The following TBCA variants were observed in gnomAD, a reference collection of about 807,000 sequenced individuals.
TBCA encodes the protein tubulin folding cofactor A, also known as tubulin-specific chaperone A.
Under a neutral mutation model 15.8 loss-of-function variants are expected in TBCA, and 6 were observed. The observed-to-expected ratio is 0.38, with a 90% CI of 0.21 to 0.75. The LOEUF is 0.75. Ranked by LOEUF, TBCA falls within the 30% of genes least tolerant of loss-of-function variation. The pLI, the probability that TBCA is intolerant of heterozygous loss-of-function variation, is 0.46. For synonymous variants in TBCA, 32 were observed against 42.3 expected (o/e 0.76, Z 0.94); for missense variants, 90 against 131.2 (o/e 0.69, Z 1.53).
chr5:77,729,125 T>G (rs1259186214), intron 1 of TBCA, among the ~76,000 whole-genome samples: 2 of 151,990 alleles, frequency 1.3e-5, no homozygotes, highest in East Asian at 3.9e-4. Context: ...ACCAGCCTGG[T>G]CAACATGGTG....
At chr5:77,693,185 TG>T in intron 3 of TBCA, 80 bp downstream of exon 3, 1 of 1,563,084 alleles carries the variant, frequency 6.4e-7, no homozygotes. Flanking sequence ...TAGTTCTCAG[TG>T]TTAAATATTT....
At chr5:77,726,828 T>C (rs1746639788) in intron 1 of TBCA, among the ~76,000 whole-genome samples, 1 of 152,184 alleles carries the variant, frequency 6.6e-6, no homozygotes, top group African/African-American at 2.4e-5. Context: ...ATATAGTCTA[T>C]ATAGTGTTAT....
chr5:77,744,725 G>A (rs576175833), intron 1 of TBCA, among the ~76,000 whole-genome samples: 5 of 151,694 alleles, frequency 3.3e-5, no homozygotes, highest in East Asian at 3.9e-4. Context: ...TAGTAGAGAC[G>A]GGGTTTCACC....
At chr5:77,720,124 C>T (rs1324271812) in intron 1 of TBCA, among the ~76,000 whole-genome samples, 1 of 152,206 alleles carries the variant, frequency 6.6e-6, no homozygotes, top group South Asian at 2.1e-4. Context: ...TAAAATGATA[C>T]CCTTCCCAAC....
rs201384173 is a variant in TBCA, at chr5:77,776,296, G to C, written c.-39C>G. On this transcript the variant is annotated 5_prime_UTR_variant, in exon 1 of 4. Coordinates refer to ENST00000380377, the MANE Select transcript of TBCA (RefSeq NM_004607.3). ...CCGCGAGAAGGAGGGGCGGAGAGCCGGGGTAACCGTGGAGGGCGACGCGCA... is the reference window on the plus strand; with the variant it reads ...CCGCGAGAAGGAGGGGCGGAGAGCCCGGGTAACCGTGGAGGGCGACGCGCA... 1 of 1,561,408 alleles carries C rather than the reference G, an allele frequency of 6.4e-7. No individual in the cohort carries two copies. The highest frequency in any genetic ancestry group is 8.7e-7 in the Non-Finnish European group (1 of 1,153,680).
At chr5:77,699,365 C>A (rs1745952543) in intron 2 of TBCA, among the ~76,000 whole-genome samples, 1 of 152,098 alleles carries the variant, frequency 6.6e-6, no homozygotes, top group Non-Finnish European at 1.5e-5. Context: ...TTTACTACAT[C>A]AGTACAGAAT....
intron 1 of TBCA, among the ~76,000 whole-genome samples, chr5:77,771,698 T>C (rs1045686594): frequency 1.3e-5 from 2 of 152,234 alleles, no homozygotes; most frequent in East Asian, 3.8e-4. Flanking sequence ...TACCATCATC[T>C]ACTTATTGCC....
chr5:77,773,288 T>TTGG (rs372995283), intron 1 of TBCA, among the ~76,000 whole-genome samples: 9 of 152,360 alleles, frequency 5.9e-5, no homozygotes, highest in African/African-American at 2.2e-4. Context: ...ATTTGAAACC[T>TTGG]TGGTCCTTTT....
At chr5:77,747,012 A>G (rs1393839236) in intron 1 of TBCA, among the ~76,000 whole-genome samples, 1 of 152,164 alleles carries the variant, frequency 6.6e-6, no homozygotes, top group Non-Finnish European at 1.5e-5. Context: ...AAAGTGCTAT[A>G]AAAGTAATGC....
rs1034664969 is a variant in TBCA at position 77,737,677 on chromosome 5, T to C, written c.54-29330A>G. On this transcript the variant is annotated intron_variant, in intron 1 of 3. Transcript: ENST00000380377. ...AAGGAAGAAATACATTTTAAATTCA[T>C]CTTATTAATAGAGGAAATTAAACTA... Among the ~76,000 whole-genome samples the C allele has an allele frequency of 4.6e-5, 7 of 152,210 alleles. 1 individual carries two copies. The highest frequency in any genetic ancestry group is 4.6e-4 in the Admixed American group (7 of 15,280).
Position 77,728,984 on chromosome 5 carries a change from C to A in TBCA, c.54-20637G>T, listed in dbSNP as rs182797227. Among the ~76,000 whole-genome samples the A allele has an allele frequency of 1.1e-3, 171 of 152,044 alleles. 2 individuals carry two copies. Among genetic ancestry groups the A allele is most frequent in the African/African-American group, 4.0e-3 (164 of 41,472 alleles). ...ATTAATGAGGCTGATATATTATAGT[C>A]GAATGCCAATTTTTAAAAATGCAAT... On this transcript the variant is annotated intron_variant, in intron 1 of 3. Coordinates refer to ENST00000380377, the MANE Select transcript of TBCA (RefSeq NM_004607.3).
chr5:77,771,613 A>T (rs1380608046), intron 1 of TBCA, among the ~76,000 whole-genome samples: 1 of 152,216 alleles, frequency 6.6e-6, no homozygotes, highest in Non-Finnish European at 1.5e-5. Context: ...GCTATCCATT[A>T]GGTCAACTCT....
Position 77,739,050 on chromosome 5 carries a change from T to C in TBCA, c.54-30703A>G, listed in dbSNP as rs141459632. Among the ~76,000 whole-genome samples the C allele has an allele frequency of 7.9e-5, 12 of 152,310 alleles. No homozygotes were observed. The East Asian group carries it at 2.3e-3, about 29-fold the overall frequency. The stretch of plus-strand genomic sequence containing the variant: ...TAGAAATATCACAGTGCATCATAAG[T>C]AGTAAATATAAGAAAAGTTCATTAA... On this transcript the variant is annotated intron_variant, in intron 1 of 3. Transcript: ENST00000380377.
At chr5:77,735,859 T>C (rs73768439) in intron 1 of TBCA, among the ~76,000 whole-genome samples, 10,839 of 152,186 alleles carry the variant, frequency 0.071, 538 homozygotes, top group African/African-American at 0.14. Flanking sequence ...ATTCATAAAT[T>C]TGCATTAAAA....
chr5:77,739,624 A>G (rs1174227959), intron 1 of TBCA, among the ~76,000 whole-genome samples: 1 of 152,216 alleles, frequency 6.6e-6, no homozygotes, highest in Non-Finnish European at 1.5e-5. Flanking sequence ...TCCATATAAC[A>G]GCTAAATAAA....
chr5:77,707,522 G>C (rs529033990), intron 2 of TBCA, among the ~76,000 whole-genome samples: 1 of 152,198 alleles, frequency 6.6e-6, no homozygotes, highest in South Asian at 2.1e-4. Flanking sequence ...TGTTCAGGGA[G>C]CTATAAGGCA....
intron 1 of TBCA, among the ~76,000 whole-genome samples, chr5:77,774,662 T>C (rs1747980792): frequency 6.6e-6 from 1 of 152,224 alleles, no homozygotes; most frequent in East Asian, 1.9e-4. Context: ...TGATGTCTTC[T>C]GTCTCCCTAA....
At chr5:77,703,506 A>G (rs1746072762) in intron 2 of TBCA, among the ~76,000 whole-genome samples, 1 of 152,130 alleles carries the variant, frequency 6.6e-6, no homozygotes, top group Admixed American at 6.5e-5. Flanking sequence ...AGACAGAATA[A>G]ATCTTTAATT....
intron 1 of TBCA, among the ~76,000 whole-genome samples, chr5:77,747,394 T>C (rs537222947): frequency 2.0e-4 from 30 of 152,270 alleles, no homozygotes; most frequent in African/African-American, 7.0e-4. Flanking sequence ...AAATATTTAC[T>C]ACATTAAGAA....
Sources: allele counts gnomAD v4.1 joint callset (sites outside exome capture counted in the v4.1 genomes callset), GRCh38; gene constraint gnomAD v4.1.1; transcripts MANE v1.5; gene names NCBI Gene and HGNC (gene_info 2026-07-23, HGNC 2026-07-21).